Variants in ZNF652 observed in about 807,000 individuals in gnomAD.
ZNF652 encodes zinc finger protein 652.
In ZNF652, 16 loss-of-function variants were observed where a neutral mutation model predicts 45.2. That is an observed-to-expected ratio of 0.35 (90% confidence interval 0.24 to 0.54). ZNF652 has a LOEUF of 0.54. Among genes scored for constraint, ZNF652 ranks in the 20% least tolerant of loss-of-function variants. ZNF652 has a pLI of 0.91. For missense variants in ZNF652, 614 were observed against 765.6 expected, an observed-to-expected ratio of 0.80 and a Z score of 2.34; for synonymous variants, 250 against 260.6, an observed-to-expected ratio of 0.96 and a Z score of 0.39.
chr17:49,352,684 C>T (rs1471434229), intron 1 of ZNF652, among the ~76,000 whole-genome samples: 1 of 152,172 alleles, frequency 6.6e-6, no homozygotes, highest in Non-Finnish European at 1.5e-5. Context: ...CTGCCATGAA[C>T]ATTTACAGTG....
In ZNF652 at chr17:49,304,143, G is replaced by A. The variant is rs765985179; in HGVS notation, c.1310-5219C>T. Among the ~76,000 whole-genome samples, 9 of 144,782 alleles carry A rather than the reference G, an allele frequency of 6.2e-5. No homozygotes were observed. In the East Asian group the frequency reaches 8.1e-4, roughly 13 times the overall value. 95.0% of individuals were successfully genotyped at this position (144,782 alleles called of 152,430 possible). The stretch of plus-strand genomic sequence containing the variant: ...TCTCAATCTCCTGACCTCATGATTC[G>A]CCCACCTCAGCCTCCCAAAGTGCTG... On this transcript the variant is annotated intron_variant, in intron 5 of 5. Coordinates refer to ENST00000430262, the MANE Select transcript of ZNF652 (RefSeq NM_001145365.3).
In ZNF652 at chr17:49,312,549, G is replaced by A. The variant is rs1598291770; in HGVS notation, c.1048+149C>T. On this transcript the variant is annotated intron_variant, in intron 3 of 5. Coordinates refer to ENST00000430262, the MANE Select transcript of ZNF652 (RefSeq NM_001145365.3). Reference sequence around the variant, plus strand: ...TGTGGAAGACTATACCATCCAATTTGGTGATACTTACTGAAGACATAATGC... The same window carrying A: ...TGTGGAAGACTATACCATCCAATTTAGTGATACTTACTGAAGACATAATGC... 12 of 748,926 alleles carry A rather than the reference G, an allele frequency of 1.6e-5. No homozygotes were observed. In the South Asian group the frequency reaches 2.3e-4, roughly 15 times the overall value. 46.4% of individuals were successfully genotyped at this position (748,926 alleles called of 1,614,324 possible). A position where few individuals can be genotyped will look rare whatever the true frequency, so the allele number is the denominator to read the frequency against.
chr17:49,302,870 G>A (rs1388626628), intron 5 of ZNF652, among the ~76,000 whole-genome samples: 1 of 152,076 alleles, frequency 6.6e-6, no homozygotes, highest in African/African-American at 2.4e-5. Context: ...GCTGAGGCAG[G>A]AGAATCGCTT....
chr17:49,312,492 G>A (rs907698300), intron 3 of ZNF652, among the ~76,000 whole-genome samples: 3 of 152,046 alleles, frequency 2.0e-5, no homozygotes, highest in African/African-American at 7.2e-5. Context: ...AGTAATGTCT[G>A]AAGAGAAAAT....
chr17:49,341,927 T>G (rs927531137), intron 1 of ZNF652, among the ~76,000 whole-genome samples: 1 of 152,206 alleles, frequency 6.6e-6, no homozygotes, highest in South Asian at 2.1e-4. Flanking sequence ...AGCTCACGCC[T>G]GTAATCCCAG....
intron 5 of ZNF652, among the ~76,000 whole-genome samples, chr17:49,303,757 AG>A (rs375253342): frequency 1.5e-4 from 23 of 152,216 alleles, no homozygotes; most frequent in Admixed American, 7.2e-4. Flanking sequence ...ATCACTTCTT[AG>A]GCACACTAGA....
At chr17:49,354,984 C>G (rs144058848) in intron 1 of ZNF652, among the ~76,000 whole-genome samples, 1 of 152,124 alleles carries the variant, frequency 6.6e-6, no homozygotes, top group East Asian at 1.9e-4. Context: ...CCTCAGCCTC[C>G]CAAAGTGCTG....
chr17:49,339,196 AATTTTTTTTT>A (rs1377561201), intron 1 of ZNF652, among the ~76,000 whole-genome samples: 4 of 101,772 alleles, frequency 3.9e-5, no homozygotes, highest in Non-Finnish European at 6.1e-5. Context: ...TGAGTTAGGA[AATTTTTTTTT>A]TTTTTTTTTT....
rs541965054 is a variant in ZNF652, at chr17:49,350,469, G to A, written c.-259+11440C>T. On this transcript the variant is annotated intron_variant, in intron 1 of 5. Transcript: ENST00000430262. The stretch of plus-strand genomic sequence containing the variant: ...CAGGAGAATCGCTTGAACCTGGGAG[G>A]CAGAGGTGGCAGTGAGCCGAGATCG... Among the ~76,000 whole-genome samples the A allele has an allele frequency of 6.6e-5, 10 of 151,708 alleles. 1 individual carries two copies. The South Asian group carries it at 2.1e-3, about 32-fold the overall frequency.
In ZNF652 at chr17:49,311,474, G is replaced by A; in HGVS notation, c.1165-18C>T. 1 of 1,608,132 alleles carries A rather than the reference G, an allele frequency of 6.2e-7. No homozygotes were observed. Among genetic ancestry groups the A allele is most frequent in the Non-Finnish European group, 8.5e-7 (1 of 1,175,462 alleles). On this transcript the variant is annotated intron_variant, in intron 4 of 5. Coordinates refer to ENST00000430262, the MANE Select transcript of ZNF652 (RefSeq NM_001145365.3). ...TCACAGTTCTGCATTGGATACAGTG[G>A]AGATTTTTGAATGCCAAGCATAGTA...
chr17:49,342,054 C>G (rs2070153329), intron 1 of ZNF652, among the ~76,000 whole-genome samples: 2 of 152,022 alleles, frequency 1.3e-5, no homozygotes, highest in South Asian at 2.1e-4. Flanking sequence ...GGCATGGTGG[C>G]AGGCGCCTAT....
rs554039892 is a variant in ZNF652, at chr17:49,293,387, G to C, written c.*5026C>G. ...GAATCTTGCAAAACCTATCCTCTGA[G>C]ACAAAAAGATCTGATCATAAAGTCT... On this transcript the variant is annotated 3_prime_UTR_variant, in exon 6 of 6. Coordinates refer to ENST00000430262, the MANE Select transcript of ZNF652 (RefSeq NM_001145365.3). 6.6e-6 allele frequency among the ~76,000 whole-genome samples: 1 copy of C among 152,044 alleles called. No individual in the cohort carries two copies. Among genetic ancestry groups the C allele is most frequent in the East Asian group, 1.9e-4 (1 of 5,182 alleles).
chr17:49,303,671 T>C (rs974054396), intron 5 of ZNF652, among the ~76,000 whole-genome samples: 16 of 152,262 alleles, frequency 1.1e-4, no homozygotes, highest in African/African-American at 3.6e-4. Context: ...CTAGCAGCCA[T>C]ATGGAAACAC....
At chr17:49,329,908 C>G (rs1378733439) in intron 1 of ZNF652, among the ~76,000 whole-genome samples, 1 of 152,170 alleles carries the variant, frequency 6.6e-6, no homozygotes, top group African/African-American at 2.4e-5. Context: ...CACAAGTCAG[C>G]TGAAGCAATC....
chr17:49,291,002 T>C lies in ZNF652; in HGVS notation c.*7411A>G, dbSNP rs1038790927. ...AATGCATATTCAAATTTATGGAAGA[T>C]TGAGAAGAAATCATCCCATTTTCAG... On this transcript the variant is annotated 3_prime_UTR_variant, in exon 6 of 6. Coordinates refer to ENST00000430262, the MANE Select transcript of ZNF652 (RefSeq NM_001145365.3). The C allele has an allele frequency of 1.2e-4, 18 of 152,304 alleles. No individual in the cohort carries two copies. Among genetic ancestry groups the C allele is most frequent in the African/African-American group, 3.8e-4 (16 of 41,566 alleles). The allele number at this position is 152,304 out of a possible 1,614,324, so 9.4% of individuals were successfully genotyped here.
Position 49,317,592 on chromosome 17 carries a change from T to G in ZNF652, c.134A>C (p.Asp45Ala). The change falls in exon 2 of 6, where the codon GAC (aspartate) becomes GCC (alanine). Residue 45 changes from aspartate (D) to alanine (A), a missense_variant. Coordinates refer to ENST00000430262, the MANE Select transcript of ZNF652 (RefSeq NM_001145365.3). ...SFYHGANQELDLSTKVYKRES... is the reference protein window; with the variant it reads ...SFYHGANQELALSTKVYKRES... ...CCTTTTGTACACTTTGGTGGACAGG[T>G]CAAGTTCTTGGTTGGCACCATGATA... 2 of 1,614,080 alleles carry G rather than the reference T, an allele frequency of 1.2e-6. No individual in the cohort carries two copies. Among genetic ancestry groups the G allele is most frequent in the Non-Finnish European group, 1.7e-6 (2 of 1,179,990 alleles).
chr17:49,317,151 G>A lies in ZNF652; in HGVS notation c.575C>T (p.Thr192Ile). ...TGCGGCAACAGAGGCAGCTCTCCTG[G>A]TTCTCCTTTGTGTAACGCTGACTTT... ...VEKVSVTQRRTRRAASVAAAT... is the reference protein window; with the variant it reads ...VEKVSVTQRRIRRAASVAAAT... The change falls in exon 2 of 6, where the codon ACC (threonine) becomes ATC (isoleucine). Residue 192 changes from threonine to isoleucine, a missense_variant. Coordinates refer to ENST00000430262, the MANE Select transcript of ZNF652 (RefSeq NM_001145365.3). The A allele has an allele frequency of 1.2e-6, 2 of 1,613,924 alleles. No individual in the cohort carries two copies. The highest frequency in any genetic ancestry group is 1.7e-6 in the Non-Finnish European group (2 of 1,180,010).
chr17:49,354,748 A>G (rs2070318143), intron 1 of ZNF652, among the ~76,000 whole-genome samples: 1 of 151,328 alleles, frequency 6.6e-6, no homozygotes, highest in Non-Finnish European at 1.5e-5. Context: ...TTTTTTTGAG[A>G]TGGAGTCTCA....
chr17:49,336,517 C>T (rs907592046), intron 1 of ZNF652, among the ~76,000 whole-genome samples: 2 of 147,196 alleles, frequency 1.4e-5, no homozygotes, highest in African/African-American at 2.5e-5. Context: ...TTATTAGAGA[C>T]AGGGTTTCAC....
Sources: gnomAD v4.1 joint callset for allele counts (sites outside exome capture counted in the v4.1 genomes callset) on GRCh38, gnomAD v4.1.1 for gene constraint, MANE v1.5 for transcripts, NCBI Gene and HGNC (gene_info 2026-07-23, HGNC 2026-07-21) for gene names.